HSPA4L: variants seen among roughly 807,000 people sequenced by gnomAD.
HSPA4L encodes heat shock protein family A (Hsp70) member 4 like.
HSPA4L carries 48 observed loss-of-function variants against 100.3 expected under a neutral mutation model. That is an observed-to-expected ratio of 0.48 (90% CI 0.38 to 0.61). HSPA4L has a LOEUF of 0.61. HSPA4L is among the 20% of genes least tolerant of loss of function. The pLI is 0.00. For missense variants in HSPA4L, 886 were observed against 988.6 expected (o/e 0.90, Z 1.39); for synonymous variants, 319 against 328.2 (o/e 0.97, Z 0.30).
At chr4:127,828,907 C>T (rs1464717121) in intron 17 of HSPA4L, among the ~76,000 whole-genome samples, 3 of 152,058 alleles carry the variant, frequency 2.0e-5, no homozygotes, top group Non-Finnish European at 4.4e-5. Flanking sequence ...CACTTTTGCT[C>T]AAACATTTGA....
chr4:127,815,544 C>T (rs1223632355), intron 12 of HSPA4L, among the ~76,000 whole-genome samples: 2 of 151,706 alleles, frequency 1.3e-5, no homozygotes. Context: ...ACCCAGGGAT[C>T]AAAGAAACTA....
rs1734218184 is a variant in HSPA4L at position 127,836,591 on chromosome 4, T to C, written c.*3717T>C. 1 of 151,922 alleles carries C rather than the reference T, an allele frequency of 6.6e-6. No homozygotes were observed. The highest frequency in any genetic ancestry group is 2.4e-5 in the African/African-American group (1 of 41,378). The allele number at this position is 151,922 out of a possible 1,614,324, so 9.4% of individuals were successfully genotyped here. On this transcript the variant is annotated 3_prime_UTR_variant, in exon 19 of 19. Coordinates refer to ENST00000296464, the MANE Select transcript of HSPA4L (RefSeq NM_014278.4). The stretch of plus-strand genomic sequence containing the variant: ...ATGATAGAAGTCTTTAAAGAGAATT[T>C]TGGGGCTCAATAATTTAACATAATG...
At position 127,805,807 on chromosome 4, in the gene HSPA4L, A is replaced by C; in HGVS notation, c.1244+14A>C. 6.5e-7 allele frequency: 1 copy of C among 1,529,138 alleles called. No individual in the cohort carries two copies. The highest frequency in any genetic ancestry group is 9.0e-7 in the Non-Finnish European group (1 of 1,105,158). The allele number at this position is 1,529,138 out of a possible 1,614,324, so 94.7% of individuals were successfully genotyped here. A position where few individuals can be genotyped will look rare whatever the true frequency, so the allele number is the denominator to read the frequency against. ...AGATGGAAGTGGGTAAGTTATTTTT[A>C]AAACCTTGATTAGAGCTTGTCATAA... On this transcript the variant is annotated intron_variant, in intron 10 of 18. Transcript: ENST00000296464.
intron 12 of HSPA4L, chr4:127,812,813 G>A (rs1172732597): frequency 2.9e-5 from 39 of 1,338,674 alleles, no homozygotes; most frequent in African/African-American, 7.3e-5. Context: ...GCAGGCTGGC[G>A]CTTTAGTTGA....
rs1732999667 is a variant in HSPA4L at position 127,795,705 on chromosome 4, A to G, written c.166-63A>G. 5.2e-6 allele frequency: 8 copies of G among 1,525,678 alleles called. No individual in the cohort carries two copies. In the South Asian group the frequency reaches 9.3e-5, roughly 18 times the overall value. The allele number at this position is 1,525,678 out of a possible 1,614,324, so 94.5% of individuals were successfully genotyped here. On this transcript the variant is annotated intron_variant, in intron 2 of 18. Transcript: ENST00000296464. Reference sequence around the variant, plus strand: ...AGGAACTTGGTGGTTGTCAAGTACTAGGATAGAATTTTATTTTGCATTTAT... The same window carrying G: ...AGGAACTTGGTGGTTGTCAAGTACTGGGATAGAATTTTATTTTGCATTTAT...
intron 14 of HSPA4L, among the ~76,000 whole-genome samples, chr4:127,821,306 G>C (rs1190718782): frequency 6.6e-6 from 1 of 152,126 alleles, no homozygotes; most frequent in Non-Finnish European, 1.5e-5. Context: ...CCAAAGGAAT[G>C]AATTGTAGGG....
At chr4:127,822,445 A>G (rs1322903686) in intron 14 of HSPA4L, among the ~76,000 whole-genome samples, 1 of 152,044 alleles carries the variant, frequency 6.6e-6, no homozygotes, top group Admixed American at 6.6e-5. Context: ...CTTTTTGGCT[A>G]TTGTGAATAA....
At chr4:127,799,886 G>A (rs753612681) in intron 4 of HSPA4L, among the ~76,000 whole-genome samples, 1 of 152,044 alleles carries the variant, frequency 6.6e-6, no homozygotes, top group Admixed American at 6.6e-5. Context: ...TTAGATTTTT[G>A]TCAGGAGGAT....
At chr4:127,793,218 TA>T (rs1398525852) in intron 1 of HSPA4L, among the ~76,000 whole-genome samples, 1 of 152,190 alleles carries the variant, frequency 6.6e-6, no homozygotes, top group African/African-American at 2.4e-5. Context: ...GCAAGACAAA[TA>T]GATATTAAAT....
In HSPA4L at chr4:127,836,825, T is replaced by C. The variant is rs1734222623; in HGVS notation, c.*3951T>C. ...GATTTTCTGTTTTATAGTAAATAGTTGGTATTTGGTAGTCCACAATTAAAG... is the reference window on the plus strand; with the variant it reads ...GATTTTCTGTTTTATAGTAAATAGTCGGTATTTGGTAGTCCACAATTAAAG... On this transcript the variant is annotated 3_prime_UTR_variant, in exon 19 of 19. Transcript: ENST00000296464. 1 of 152,184 alleles carries C rather than the reference T, an allele frequency of 6.6e-6. No homozygotes were observed. 9.4% of individuals were successfully genotyped at this position (152,184 alleles called of 1,614,324 possible). A position where few individuals can be genotyped will look rare whatever the true frequency, so the allele number is the denominator to read the frequency against.
chr4:127,785,015 T>C (rs1732675034), intron 1 of HSPA4L, among the ~76,000 whole-genome samples: 3 of 152,244 alleles, frequency 2.0e-5, no homozygotes, highest in Non-Finnish European at 4.4e-5. Flanking sequence ...CATTCATACA[T>C]TTTACGTTTC....
intron 12 of HSPA4L, among the ~76,000 whole-genome samples, chr4:127,814,780 T>C (rs1733629448): frequency 6.6e-6 from 1 of 152,166 alleles, no homozygotes; most frequent in Admixed American, 6.5e-5. Flanking sequence ...TTGGTCAGGC[T>C]GGTCTCAAAC....
At chr4:127,804,369 G>C (rs978999029) in intron 8 of HSPA4L, among the ~76,000 whole-genome samples, 1 of 151,976 alleles carries the variant, frequency 6.6e-6, no homozygotes, top group Non-Finnish European at 1.5e-5. Flanking sequence ...ACTTTGGGAG[G>C]CCGAGGTGGG....
intron 14 of HSPA4L, among the ~76,000 whole-genome samples, chr4:127,822,379 T>A (rs2148797005): frequency 6.6e-6 from 1 of 152,332 alleles, no homozygotes; most frequent in East Asian, 1.9e-4. Context: ...TACTACATTG[T>A]GTTTATATAC....
At chr4:127,789,540 C>T (rs778902797) in intron 1 of HSPA4L, among the ~76,000 whole-genome samples, 3 of 151,250 alleles carry the variant, frequency 2.0e-5, no homozygotes, top group Admixed American at 2.0e-4. Flanking sequence ...CCCAGCTACT[C>T]GGGAGGCTGA....
intron 11 of HSPA4L, chr4:127,809,308 C>A (rs914358446): frequency 1.7e-6 from 2 of 1,205,616 alleles, no homozygotes; most frequent in Admixed American, 3.4e-5. Context: ...CTCTCGAGAC[C>A]CTGTCTTAAT....
Position 127,805,092 on chromosome 4 carries a change from T to C in HSPA4L, c.1005T>C (p.Ile335=). ...TTCCAGACTTACAACGTGAAGACAT[T>C]AGTAGTATAGAAATTGTAGGAGGAG... ...MEQANLQRED[I]SSIEIVGGAT... The change falls in exon 9 of 19, where the codon ATT becomes ATC. Residue 335 remains isoleucine (I), a synonymous_variant. Coordinates refer to ENST00000296464, the MANE Select transcript of HSPA4L (RefSeq NM_014278.4). 1 of 1,609,684 alleles carries C rather than the reference T, an allele frequency of 6.2e-7. No individual in the cohort carries two copies. The highest frequency in any genetic ancestry group is 8.5e-7 in the Non-Finnish European group (1 of 1,177,812).
At chr4:127,806,184 A>G (rs1242679296) in intron 10 of HSPA4L, among the ~76,000 whole-genome samples, 1 of 152,036 alleles carries the variant, frequency 6.6e-6, no homozygotes, top group African/African-American at 2.4e-5. Context: ...AGAATTATCT[A>G]TAAATCTCTA....
chr4:127,815,045 TTCTTTTTACTCTATCCTAGCTG>T (rs1733636797), intron 12 of HSPA4L, among the ~76,000 whole-genome samples: 1 of 151,968 alleles, frequency 6.6e-6, no homozygotes, highest in South Asian at 2.1e-4. Flanking sequence ...TAATAAGTTC[TTCTTTTTACTCTATCCTAGCTG>T]ATGGTATTGC....
Sources: gnomAD v4.1 joint callset for allele counts (sites outside exome capture counted in the v4.1 genomes callset) on GRCh38, gnomAD v4.1.1 for gene constraint, MANE v1.5 for transcripts, NCBI Gene and HGNC (gene_info 2026-07-23, HGNC 2026-07-21) for gene names.